Variants in RGS5 observed in about 807,000 individuals in gnomAD.
The protein encoded by RGS5 is regulator of G protein signaling 5, also known as regulator of G-protein signalling 5.
Under a neutral mutation model 18.9 loss-of-function variants are expected in RGS5, and 20 were observed. The observed-to-expected ratio is 1.06, with a 90% CI of 0.74 to 1.54. The LOEUF (loss-of-function observed/expected upper bound fraction) is 1.54, where lower values mean the gene tolerates loss of function less well. Among genes scored for constraint, RGS5 ranks in the 40% most tolerant of loss-of-function variants. The probability of loss-of-function intolerance (pLI) is 0.00; values close to 1 mark genes in which losing one functional copy is unlikely to be tolerated. For missense variants in RGS5, 201 were observed against 211.8 expected (o/e 0.95, Z 0.32); for synonymous variants, 57 against 76.2 (o/e 0.75, Z 1.31).
chr1:163,304,309 G>A (rs1349829870), intron 2 of RGS5: 1 of 152,206 alleles, frequency 6.6e-6, no homozygotes, highest in Admixed American at 6.5e-5. Context: ...GCTCCTGCCT[G>A]TCAGGCTTCT....
At chr1:163,275,209 T>A (rs773838118) in intron 2 of RGS5, among the ~76,000 whole-genome samples, 2 of 152,214 alleles carry the variant, frequency 1.3e-5, no homozygotes, top group Non-Finnish European at 2.9e-5. Context: ...TCTTTGTGCA[T>A]GGCTCTGTAT....
intron 1 of RGS5, among the ~76,000 whole-genome samples, chr1:163,178,163 T>C (rs958187940): frequency 6.6e-6 from 1 of 151,906 alleles, no homozygotes; most frequent in Non-Finnish European, 1.5e-5. Flanking sequence ...ACAAAAAAAT[T>C]AGCCAGGCGT....
At chr1:163,154,591 C>A (rs6692560) in intron 3 of RGS5, among the ~76,000 whole-genome samples, 32,820 of 151,126 alleles carry the variant, frequency 0.22, 5,998 homozygotes, top group African/African-American at 0.5. Context: ...GAAAAAAAAA[C>A]CAATTTTTTC....
At chr1:163,199,669 C>T (rs1423508946) in intron 1 of RGS5, among the ~76,000 whole-genome samples, 1 of 152,144 alleles carries the variant, frequency 6.6e-6, no homozygotes, top group East Asian at 1.9e-4. Flanking sequence ...TAATTGCTTT[C>T]TTATAAATCA....
At chr1:163,198,543 C>T (rs1376860144) in intron 1 of RGS5, among the ~76,000 whole-genome samples, 2 of 152,090 alleles carry the variant, frequency 1.3e-5, no homozygotes, top group Non-Finnish European at 2.9e-5. Flanking sequence ...AATGAATAAC[C>T]ATAAGCACAC....
intron 1 of RGS5, among the ~76,000 whole-genome samples, chr1:163,311,275 T>C (rs1393319954): frequency 6.6e-6 from 1 of 152,232 alleles, no homozygotes; most frequent in African/African-American, 2.4e-5. Context: ...GAAAATGTTG[T>C]GGCTGATTTG....
At chr1:163,235,948 C>T (rs1424360295) in intron 2 of RGS5, among the ~76,000 whole-genome samples, 1 of 152,142 alleles carries the variant, frequency 6.6e-6, no homozygotes, top group African/African-American at 2.4e-5. Flanking sequence ...GAGAGTCTAG[C>T]AAGCATAGCC....
chr1:163,252,865 G>A (rs1557920236), intron 2 of RGS5, among the ~76,000 whole-genome samples: 1 of 152,150 alleles, frequency 6.6e-6, no homozygotes, highest in Non-Finnish European at 1.5e-5. Context: ...TTAATTGTTT[G>A]TGTAACTTTG....
chr1:163,169,385 G>C lies in RGS5; in HGVS notation c.45-1017C>G, dbSNP rs541438800. Reference sequence around the variant, plus strand: ...TCCTTTGGGTATATACCCAGTAATAGGATGGCTGGGTCAAATGGTATTTCT... The same window carrying C: ...TCCTTTGGGTATATACCCAGTAATACGATGGCTGGGTCAAATGGTATTTCT... On this transcript the variant is annotated intron_variant, in intron 1 of 4. Transcript: ENST00000313961. 4.1e-3 allele frequency among the ~76,000 whole-genome samples: 622 copies of C among 152,192 alleles called. 2 individuals carry two copies. Among genetic ancestry groups the C allele is most frequent in the African/African-American group, 0.014 (601 of 41,534 alleles).
At chr1:163,194,775 A>G (rs1466095607) in intron 1 of RGS5, among the ~76,000 whole-genome samples, 2 of 152,170 alleles carry the variant, frequency 1.3e-5, no homozygotes, top group African/African-American at 4.8e-5. Context: ...TTGAGAAAAG[A>G]GCATTGAAAA....
rs555262012 is a variant in RGS5, at chr1:163,181,164, G to A, written c.45-12796C>T. Among the ~76,000 whole-genome samples, 14 of 152,216 alleles carry A rather than the reference G, an allele frequency of 9.2e-5. 1 individual carries two copies. In the South Asian group the frequency reaches 2.7e-3, roughly 29 times the overall value. On this transcript the variant is annotated intron_variant, in intron 1 of 4. Coordinates refer to ENST00000313961, the MANE Select transcript of RGS5 (RefSeq NM_003617.4). ...CATCTCTGGTTCAGGACCACACTTT[G>A]AGAACCACTGATCTACCATATCTAC... is the stretch of plus-strand genomic sequence containing the variant.
intron 2 of RGS5, among the ~76,000 whole-genome samples, chr1:163,241,019 T>C (rs1021985182): frequency 2.6e-5 from 4 of 152,198 alleles, no homozygotes; most frequent in Non-Finnish European, 5.9e-5. Flanking sequence ...CCAAGATCTC[T>C]TCATGGCTTG....
intron 4 of RGS5, among the ~76,000 whole-genome samples, chr1:163,147,918 C>CTTTTTTTCCT (rs1657207655): frequency 1.3e-5 from 1 of 78,092 alleles, no homozygotes; most frequent in Non-Finnish European, 2.2e-5. Flanking sequence ...TTTTCTTTTT[C>CTTTTTTTCCT]TTTTTTTTTT....
chr1:163,255,746 C>T (rs1391716800), intron 2 of RGS5, among the ~76,000 whole-genome samples: 1 of 151,582 alleles, frequency 6.6e-6, no homozygotes, highest in Non-Finnish European at 1.5e-5. Context: ...AGCAGCACAT[C>T]AAAAAGCTTA....
chr1:163,212,916 A>G (rs1660137370), intron 1 of RGS5: 1 of 152,002 alleles, frequency 6.6e-6, no homozygotes, highest in Non-Finnish European at 1.5e-5. Context: ...TGGCCCTCCT[A>G]TATCTGTGTC....
intron 2 of RGS5, among the ~76,000 whole-genome samples, chr1:163,265,677 C>T (rs1236034653): frequency 1.3e-5 from 2 of 152,068 alleles, no homozygotes; most frequent in Non-Finnish European, 2.9e-5. Context: ...GGTTCTGTTC[C>T]CATTATCCTT....
At chr1:163,147,612 G>T in intron 4 of RGS5, 109 bp from the exon 5 acceptor site, 1 of 1,049,346 alleles carries the variant, frequency 9.5e-7, no homozygotes, top group Non-Finnish European at 1.3e-6. Context: ...GGGGAGGAAA[G>T]TCATTAAAAA....
intron 2 of RGS5, among the ~76,000 whole-genome samples, chr1:163,275,189 A>G (rs1334501975): frequency 2.0e-5 from 3 of 152,052 alleles, no homozygotes; most frequent in Admixed American, 1.3e-4. Flanking sequence ...CTTTTCACAC[A>G]TCTCCTCTGT....
At chr1:163,249,790 C>T (rs12044339) in intron 2 of RGS5, among the ~76,000 whole-genome samples, 13,499 of 151,980 alleles carry the variant, frequency 0.089, 1,304 homozygotes, top group East Asian at 0.47. Context: ...GACTCCATCT[C>T]AAAATAAATC....
Sources: gnomAD v4.1 joint callset for allele counts (sites outside exome capture counted in the v4.1 genomes callset) on GRCh38, gnomAD v4.1.1 for gene constraint, MANE v1.5 for transcripts, NCBI Gene and HGNC (gene_info 2026-07-23, HGNC 2026-07-21) for gene names.